The following MAML3 variants were observed in gnomAD, a reference collection of about 807,000 sequenced individuals.
MAML3 encodes the protein mastermind-like protein 3.
MAML3 carries 27 observed loss-of-function variants against 101.9 expected under a neutral mutation model. The observed-to-expected ratio is 0.27, with a 90% CI of 0.20 to 0.37. The LOEUF (loss-of-function observed/expected upper bound fraction) is 0.37, where lower values mean the gene tolerates loss of function less well. MAML3 is among the 10% of genes least tolerant of loss of function. The probability of loss-of-function intolerance (pLI) is 1.00; values close to 1 mark genes in which losing one functional copy is unlikely to be tolerated. For synonymous variants in MAML3, 501 were observed against 555.9 expected, an observed-to-expected ratio of 0.90 and a Z score of 1.39; for missense variants, 1,316 against 1,444.9, an observed-to-expected ratio of 0.91 and a Z score of 1.45.
intron 1 of MAML3, among the ~76,000 whole-genome samples, chr4:139,931,557 A>G (rs929949797): frequency 2.0e-5 from 3 of 152,162 alleles, no homozygotes; most frequent in African/African-American, 7.2e-5. Flanking sequence ...TTCTACTATA[A>G]TAAAGTTCCT....
At chr4:139,767,956 T>G (rs770286127) in intron 2 of MAML3, among the ~76,000 whole-genome samples, 7 of 152,250 alleles carry the variant, frequency 4.6e-5, no homozygotes, top group Non-Finnish European at 7.3e-5. Flanking sequence ...TAGATGAGGT[T>G]ATGTCAAAAT....
At chr4:139,938,702 T>A (rs541558918) in intron 1 of MAML3, among the ~76,000 whole-genome samples, 1 of 152,224 alleles carries the variant, frequency 6.6e-6, no homozygotes, top group South Asian at 2.1e-4. Flanking sequence ...ACTCTAAATT[T>A]AAAAAAATGG....
intron 1 of MAML3, among the ~76,000 whole-genome samples, chr4:139,962,615 A>C (rs967576710): frequency 2.6e-5 from 4 of 152,242 alleles, no homozygotes; most frequent in Non-Finnish European, 5.9e-5. Context: ...AAAAAGCAAG[A>C]AAGATAGGGA....
At chr4:140,133,005 A>G (rs1560903897) in intron 1 of MAML3, 1 of 400,732 alleles carries the variant, frequency 2.5e-6, no homozygotes, top group East Asian at 7.2e-5. Context: ...AAGTACTATC[A>G]AAAATATGTT....
chr4:139,967,768 CT>C (rs1363583250), intron 1 of MAML3, among the ~76,000 whole-genome samples: 1 of 152,132 alleles, frequency 6.6e-6, no homozygotes, highest in African/African-American at 2.4e-5. Context: ...AACAGCCTCC[CT>C]GCCTCTTGGC....
chr4:140,093,947 T>C (rs774126933), intron 1 of MAML3, among the ~76,000 whole-genome samples: 26 of 152,152 alleles, frequency 1.7e-4, no homozygotes, highest in Non-Finnish European at 3.5e-4. Context: ...CCCCCTGACA[T>C]TCCATCCTTT....
intron 1 of MAML3, among the ~76,000 whole-genome samples, chr4:140,151,305 G>A (rs1729162485): frequency 6.6e-6 from 1 of 152,140 alleles, no homozygotes; most frequent in Admixed American, 6.5e-5. Context: ...AGGAGGGGTT[G>A]AGCGCCCCCG....
chr4:140,035,958 A>C (rs1209428333), intron 1 of MAML3, among the ~76,000 whole-genome samples: 3 of 152,228 alleles, frequency 2.0e-5, no homozygotes, highest in Non-Finnish European at 4.4e-5. Context: ...CAAAGAACAA[A>C]GAGCATAGTT....
At chr4:139,741,346 A>AC (rs1283446812) in intron 2 of MAML3, among the ~76,000 whole-genome samples, 1 of 152,212 alleles carries the variant, frequency 6.6e-6, no homozygotes, top group African/African-American at 2.4e-5. Context: ...CCTTGCATCC[A>AC]CAAGAACCTT....
At chr4:139,883,031 C>T (rs1405483827) in intron 2 of MAML3, among the ~76,000 whole-genome samples, 1 of 152,102 alleles carries the variant, frequency 6.6e-6, no homozygotes, top group Admixed American at 6.6e-5. Context: ...GGGAATAATT[C>T]AAGAAAGAGG....
At chr4:139,970,211 G>A (rs55863426) in intron 1 of MAML3, among the ~76,000 whole-genome samples, 2 of 152,216 alleles carry the variant, frequency 1.3e-5, no homozygotes, top group Non-Finnish European at 2.9e-5. Context: ...ATTGAACTGA[G>A]AGGATTAGAG....
chr4:139,954,219 TG>T (rs1204138842), intron 1 of MAML3, among the ~76,000 whole-genome samples: 3 of 152,242 alleles, frequency 2.0e-5, no homozygotes, highest in Non-Finnish European at 4.4e-5. Context: ...CAAACGTGTC[TG>T]CTGAGACTAG....
chr4:139,738,292 C>T (rs13132273), intron 2 of MAML3, among the ~76,000 whole-genome samples: 60,158 of 152,168 alleles, frequency 0.4, 13,066 homozygotes, highest in Middle Eastern at 0.54. Context: ...GCCTGTAATC[C>T]CAGCACTTTG....
intron 1 of MAML3, among the ~76,000 whole-genome samples, chr4:139,984,078 C>T (rs778478753): frequency 6.6e-6 from 1 of 152,100 alleles, no homozygotes; most frequent in East Asian, 1.9e-4. Context: ...CAGGAAAACA[C>T]GGTGGGGTCC....
At chr4:139,741,876 A>C (rs1729176797) in intron 2 of MAML3, among the ~76,000 whole-genome samples, 2 of 152,200 alleles carry the variant, frequency 1.3e-5, no homozygotes, top group African/African-American at 4.8e-5. Context: ...AAATAAAAAC[A>C]TTGCATTTTT....
chr4:139,784,014 G>A (rs756265369), intron 2 of MAML3, among the ~76,000 whole-genome samples: 2 of 152,228 alleles, frequency 1.3e-5, no homozygotes, highest in East Asian at 1.9e-4. Context: ...CTCACTGACT[G>A]TGGGGGAGCC....
chr4:140,049,316 C>T (rs141700792), intron 1 of MAML3, among the ~76,000 whole-genome samples: 8 of 152,290 alleles, frequency 5.3e-5, no homozygotes, highest in African/African-American at 1.4e-4. Context: ...TCACAGACAA[C>T]GCTGTGGGAT....
chr4:139,823,058 A>G (rs552740334), intron 2 of MAML3, among the ~76,000 whole-genome samples: 29 of 152,252 alleles, frequency 1.9e-4, no homozygotes, highest in Non-Finnish European at 3.8e-4. Flanking sequence ...TATATTGGAC[A>G]TTGTGTGGCT....
chr4:140,113,317 A>G (rs1728468164), intron 1 of MAML3, among the ~76,000 whole-genome samples: 1 of 152,158 alleles, frequency 6.6e-6, no homozygotes, highest in East Asian at 1.9e-4. Flanking sequence ...CTAATTAAAA[A>G]AAAGTAAAGC....
Sources: gnomAD v4.1 joint callset for allele counts (sites outside exome capture counted in the v4.1 genomes callset) on GRCh38, gnomAD v4.1.1 for gene constraint, MANE v1.5 for transcripts, NCBI Gene and HGNC (gene_info 2026-07-23, HGNC 2026-07-21) for gene names.